The following CCL16 variants were observed in gnomAD, a reference collection of about 807,000 sequenced individuals.
The protein encoded by CCL16 is C-C motif chemokine ligand 16, also known as C-C motif chemokine 16.
A neutral mutation model predicts 7.5 loss-of-function variants in CCL16; 6 were observed. That is an observed-to-expected ratio of 0.80 (90% CI 0.44 to 1.57). The LOEUF (loss-of-function observed/expected upper bound fraction) is 1.57. CCL16 is among the 40% of genes most tolerant of loss of function. The pLI is 0.01. For missense variants in CCL16, 134 were observed against 142.9 expected, an observed-to-expected ratio of 0.94 and a Z score of 0.32; for synonymous variants, 60 against 57.7, an observed-to-expected ratio of 1.04 and a Z score of -0.18.
intron 1 of CCL16, among the ~76,000 whole-genome samples, chr17:35,980,757 C>A (rs1424328789): frequency 1.3e-5 from 2 of 152,128 alleles, no homozygotes; most frequent in Non-Finnish European, 2.9e-5. Flanking sequence ...CCCCTTTCCT[C>A]TTTTCTGCAG....
chr17:35,980,748 C>T (rs73289030), intron 1 of CCL16, among the ~76,000 whole-genome samples: 2,005 of 152,184 alleles, frequency 0.013, 45 homozygotes, highest in African/African-American at 0.046. Flanking sequence ...ACCTTTCAAC[C>T]CCTTTCCTCT....
At chr17:35,981,286 C>A in intron 1 of CCL16, 59 bp downstream of exon 1, 1 of 1,290,628 alleles carries the variant, frequency 7.7e-7, no homozygotes, top group South Asian at 1.3e-5. Flanking sequence ...GCACTACCTC[C>A]CTGCCAGCTG....
intron 1 of CCL16, among the ~76,000 whole-genome samples, chr17:35,980,169 C>A (rs1054710398): frequency 1.3e-5 from 2 of 152,208 alleles, no homozygotes; most frequent in African/African-American, 4.8e-5. Context: ...GCACTTGACC[C>A]TTGCTCCTTT....
Position 35,977,809 on chromosome 17 carries a change from A to G in CCL16, c.198-78T>C, listed in dbSNP as rs939120076. On this transcript the variant is annotated intron_variant, in intron 2 of 2. Transcript: ENST00000611905. Reference sequence around the variant, plus strand: ...GTGCCCACCCCCACCTCTGGTTCACATGGAGCTCACCTTATGTTCTTTAAA... The same window carrying G: ...GTGCCCACCCCCACCTCTGGTTCACGTGGAGCTCACCTTATGTTCTTTAAA... The G allele has an allele frequency of 5.4e-6, 8 of 1,494,270 alleles. No homozygotes were observed. The East Asian group carries it at 1.6e-4, about 30-fold the overall frequency. 92.6% of individuals were successfully genotyped at this position (1,494,270 alleles called of 1,614,324 possible). A position where few individuals can be genotyped will look rare whatever the true frequency, so the allele number is the denominator to read the frequency against.
intron 1 of CCL16, 130 bp from the exon 2 acceptor site, chr17:35,978,393 G>T: frequency 8.3e-7 from 1 of 1,199,170 alleles, no homozygotes; most frequent in Non-Finnish European, 1.2e-6. Flanking sequence ...ACCAATGATA[G>T]CTTGACTGGT....
chr17:35,978,052 T>C (rs904358596), intron 2 of CCL16, 91 bp downstream of exon 2: 8 of 1,552,238 alleles, frequency 5.2e-6, no homozygotes, highest in African/African-American at 2.7e-5. Context: ...CCACTGCTTC[T>C]AGCATGGAGA....
rs1301323838 is a variant in CCL16 at position 35,978,181 on chromosome 17, T to TC, written c.158dup (p.Tyr54IlefsTer28). On this transcript the variant is annotated frameshift_variant, in exon 2 of 3. Coordinates refer to ENST00000611905, the MANE Select transcript of CCL16 (RefSeq NM_004590.4). LOFTEE classifies it low-confidence loss of function (END_TRUNC). ...GGTGACAGTTGAGGGCCTTTCTGTA[T>TC]CCCACCACTAGTCTCCTTGGCAACA... is the stretch of plus-strand genomic sequence containing the variant. 21 of 1,614,070 alleles carry TC rather than the reference T, an allele frequency of 1.3e-5. No homozygotes were observed. The highest frequency in any genetic ancestry group is 1.8e-5 in the Non-Finnish European group (21 of 1,180,032).
At position 35,981,406 on chromosome 17, in the gene CCL16, C is replaced by T; in HGVS notation, c.15G>A (p.Glu5=). The T allele has an allele frequency of 1.2e-6, 2 of 1,612,114 alleles. No homozygotes were observed. The highest frequency in any genetic ancestry group is 1.7e-6 in the Non-Finnish European group (2 of 1,179,164). The change falls in exon 1 of 3, where the codon GAG becomes GAA. Residue 5 remains glutamate (E), a synonymous_variant. Coordinates refer to ENST00000611905, the MANE Select transcript of CCL16 (RefSeq NM_004590.4). MKVS[E]AALSLLVLIL... ...TGAGGACAAGGAGAGACAGGGCAGC[C>T]TCGGAGACCTTCATCCTCTCAGCGA...
In CCL16 at chr17:35,977,340, T is replaced by A. The variant is rs963407925; in HGVS notation, c.*226A>T. On this transcript the variant is annotated 3_prime_UTR_variant, in exon 3 of 3. Coordinates refer to ENST00000611905, the MANE Select transcript of CCL16 (RefSeq NM_004590.4). ...AGAGTAAGACCCTATCTCAAAAAAA[T>A]AAAAATATAAATATAAAAATAAAAG... 3.5e-5 allele frequency: 11 copies of A among 311,718 alleles called. No homozygotes were observed. Among genetic ancestry groups the A allele is most frequent in the Admixed American group, 9.7e-5 (2 of 20,628 alleles). The allele number at this position is 311,718 out of a possible 1,614,324, so 19.3% of individuals were successfully genotyped here. A position where few individuals can be genotyped will look rare whatever the true frequency, so the allele number is the denominator to read the frequency against.
At position 35,978,125 on chromosome 17, in the gene CCL16, C is replaced by T; in HGVS notation, c.197+18G>A. On this transcript the variant is annotated intron_variant, in intron 2 of 2. Transcript: ENST00000611905. ...TCCCTGTCCCTCTCCACAGAAATAT[C>T]TAAAAGGACGTGCTTACATGATTGC... The T allele has an allele frequency of 6.2e-7, 1 of 1,614,188 alleles. No individual in the cohort carries two copies. The highest frequency in any genetic ancestry group is 8.5e-7 in the Non-Finnish European group (1 of 1,180,016).
intron 1 of CCL16, among the ~76,000 whole-genome samples, chr17:35,979,351 C>T (rs2089664052): frequency 6.6e-6 from 1 of 151,994 alleles, no homozygotes; most frequent in Admixed American, 6.5e-5. Flanking sequence ...AATTTGGACT[C>T]TATCTTAGAG....
intron 2 of CCL16, among the ~76,000 whole-genome samples, 169 bp from the exon 3 acceptor site, chr17:35,977,900 C>A (rs550960986): frequency 2.3e-4 from 35 of 152,236 alleles, no homozygotes; most frequent in African/African-American, 8.4e-4. Flanking sequence ...CAGAACCTTA[C>A]CATCCCTTCT....
rs549700470 is a variant in CCL16, at chr17:35,977,369, G to A, written c.*197C>T. The A allele has an allele frequency of 1.4e-4, 60 of 423,524 alleles. No individual in the cohort carries two copies. In the South Asian group the frequency reaches 5.0e-3, roughly 35 times the overall value. 26.2% of individuals were successfully genotyped at this position (423,524 alleles called of 1,614,324 possible). A position where few individuals can be genotyped will look rare whatever the true frequency, so the allele number is the denominator to read the frequency against. On this transcript the variant is annotated 3_prime_UTR_variant, in exon 3 of 3. Coordinates refer to ENST00000611905, the MANE Select transcript of CCL16 (RefSeq NM_004590.4). Reference sequence around the variant, plus strand: ...AATATAAATATAAAAATAAAAGAGCGTACCTCTGCCCACGTCCCTTAACTT... The same window carrying A: ...AATATAAATATAAAAATAAAAGAGCATACCTCTGCCCACGTCCCTTAACTT...
At position 35,977,540 on chromosome 17, in the gene CCL16, C is replaced by G. The variant is rs748114373; in HGVS notation, c.*26G>C. On this transcript the variant is annotated 3_prime_UTR_variant, in exon 3 of 3. Transcript: ENST00000611905. ...TAGGTTTACCCCTCTCTTCTGTAAACAAGGGCTTCCACTAAAGCCTGGTCA... is the reference window on the plus strand; with the variant it reads ...TAGGTTTACCCCTCTCTTCTGTAAAGAAGGGCTTCCACTAAAGCCTGGTCA... The G allele has an allele frequency of 1.5e-5, 24 of 1,608,754 alleles. No homozygotes were observed. In the South Asian group the frequency reaches 2.7e-4, roughly 18 times the overall value.
rs537140016 is a variant in CCL16 at position 35,977,653 on chromosome 17, G to A, written c.276C>T (p.Asn92=). The A allele has an allele frequency of 2.7e-5, 44 of 1,612,388 alleles. 1 individual carries two copies. The highest frequency in any genetic ancestry group is 3.4e-5 in the Non-Finnish European group (40 of 1,179,996). Residue 92 remains asparagine, a synonymous_variant, in exon 3 of 3, where the codon AAC becomes AAT. Transcript: ENST00000611905. ...AGTTCCTGGTAGGCAGCAAAGGTAG[G>A]TTGGGATCCTTGATGTACTCTTGGA... The part of the protein sequence containing the change: ...DWVQEYIKDP[N]LPLLPTRNLS...
rs983825822 is a variant in CCL16, at chr17:35,977,284, G to T, written c.*282C>A. ...AGTGAGCCAAGATCAAGTGAGCCAA[G>T]ATCACACCACTGCACTCCAGCCTGG... is the stretch of plus-strand genomic sequence containing the variant. On this transcript the variant is annotated 3_prime_UTR_variant, in exon 3 of 3. Coordinates refer to ENST00000611905, the MANE Select transcript of CCL16 (RefSeq NM_004590.4). 9.4e-5 allele frequency: 17 copies of T among 180,594 alleles called. No homozygotes were observed. The highest frequency in any genetic ancestry group is 3.8e-4 in the African/African-American group (16 of 41,640). 11.2% of individuals were successfully genotyped at this position (180,594 alleles called of 1,614,324 possible).
intron 1 of CCL16, among the ~76,000 whole-genome samples, 199 bp downstream of exon 1, chr17:35,981,146 C>T (rs1477552917): frequency 6.6e-6 from 1 of 152,148 alleles, no homozygotes; most frequent in East Asian, 1.9e-4. Context: ...CCTGGAACTA[C>T]TTACCCCAGA....
In CCL16 at chr17:35,977,734, G is replaced by T. The variant is rs751547434; in HGVS notation, c.198-3C>A. 6.8e-6 allele frequency: 11 copies of T among 1,611,646 alleles called. No individual in the cohort carries two copies. The Admixed American group carries it at 1.5e-4, about 22-fold the overall frequency. On this transcript the variant is annotated splice_region_variant and splice_polypyrimidine_tract_variant and intron_variant, in intron 2 of 2. Transcript: ENST00000611905. ...CTCGGTTCCTCTTGGTGACGAAGCT[G>T]CAGAGGCAGAATTAGACCGTCATGG... is the stretch of plus-strand genomic sequence containing the variant.
rs79510421 is a variant in CCL16, at chr17:35,976,771, G to A, written c.*795C>T. On this transcript the variant is annotated 3_prime_UTR_variant, in exon 3 of 3. Transcript: ENST00000611905. Reference sequence around the variant, plus strand: ...ATGATTAATGTGAATATTCCCATCCGGACTTCCTATGAAAAAGTTGCATTA... The same window carrying A: ...ATGATTAATGTGAATATTCCCATCCAGACTTCCTATGAAAAAGTTGCATTA... The A allele has an allele frequency of 6.6e-6, 1 of 151,638 alleles. No homozygotes were observed. The highest frequency in any genetic ancestry group is 1.5e-5 in the Non-Finnish European group (1 of 67,930). The allele number at this position is 151,638 out of a possible 1,614,324, so 9.4% of individuals were successfully genotyped here.
Sources: gnomAD v4.1 joint callset for allele counts (sites outside exome capture counted in the v4.1 genomes callset) on GRCh38, gnomAD v4.1.1 for gene constraint, MANE v1.5 for transcripts, NCBI Gene and HGNC (gene_info 2026-07-23, HGNC 2026-07-21) for gene names.